SCFD2: variants seen among roughly 807,000 people sequenced by gnomAD.
The protein encoded by SCFD2 is sec1 family domain containing 2.
In SCFD2, 54 loss-of-function variants were observed where a neutral mutation model predicts 58.9. The observed-to-expected ratio is 0.92, with a 90% confidence interval of 0.74 to 1.15. The LOEUF is 1.15. SCFD2 is among the 50% of genes most tolerant of loss of function. The probability of loss-of-function intolerance (pLI) is 0.00; values close to 1 mark genes in which losing one functional copy is unlikely to be tolerated. For missense variants in SCFD2, 805 were observed against 836.6 expected (o/e 0.96, Z 0.47); for synonymous variants, 321 against 335.9 (o/e 0.96, Z 0.49).
chr4:52,893,611 T>C (rs1265340238), intron 7 of SCFD2, among the ~76,000 whole-genome samples: 2 of 152,170 alleles, frequency 1.3e-5, no homozygotes, highest in South Asian at 2.1e-4. Flanking sequence ...GCAGTTACAA[T>C]GTGACCCTGT....
chr4:53,343,461 A>T (rs1372747831), intron 2 of SCFD2, among the ~76,000 whole-genome samples: 2 of 152,192 alleles, frequency 1.3e-5, no homozygotes, highest in Non-Finnish European at 2.9e-5. Flanking sequence ...GCAATAATTA[A>T]TAGCCTACCC....
chr4:52,945,875 T>C (rs150051448), intron 5 of SCFD2: 82 of 152,334 alleles, frequency 5.4e-4, no homozygotes, highest in African/African-American at 2.0e-3. Flanking sequence ...CTTTCTCTTT[T>C]TTCAAGAAGG....
intron 5 of SCFD2, among the ~76,000 whole-genome samples, chr4:52,997,820 C>A (rs539216559): frequency 6.6e-6 from 1 of 152,112 alleles, no homozygotes; most frequent in African/African-American, 2.4e-5. Flanking sequence ...GTCTTCTATG[C>A]CTATATCCCT....
intron 5 of SCFD2, among the ~76,000 whole-genome samples, chr4:52,958,430 T>C (rs978807447): frequency 6.6e-6 from 1 of 152,022 alleles, no homozygotes; most frequent in African/African-American, 2.4e-5. Flanking sequence ...GAAGGGAGAG[T>C]GCCGGACAAG....
chr4:53,210,758 TAC>T (rs1371107278), intron 4 of SCFD2, among the ~76,000 whole-genome samples: 1 of 152,012 alleles, frequency 6.6e-6, no homozygotes, highest in Non-Finnish European at 1.5e-5. Context: ...CAGCCTTTGT[TAC>T]AGTCTTTTAT....
At chr4:53,307,453 T>C (rs574177121) in intron 3 of SCFD2, among the ~76,000 whole-genome samples, 2 of 152,278 alleles carry the variant, frequency 1.3e-5, no homozygotes, top group South Asian at 4.1e-4. Flanking sequence ...GGCCTGATAA[T>C]AGAAGTCAGA....
intron 5 of SCFD2, among the ~76,000 whole-genome samples, chr4:52,988,653 C>T (rs569220243): frequency 1.4e-4 from 22 of 152,268 alleles, no homozygotes; most frequent in African/African-American, 3.6e-4. Flanking sequence ...TTCTGAGGGA[C>T]GCCAAACCTC....
At chr4:53,259,862 T>G (rs1217594872) in intron 4 of SCFD2, among the ~76,000 whole-genome samples, 1 of 152,182 alleles carries the variant, frequency 6.6e-6, no homozygotes, top group African/African-American at 2.4e-5. Flanking sequence ...TGGGATGTCT[T>G]TCCATTTGTT....
intron 4 of SCFD2, among the ~76,000 whole-genome samples, chr4:53,154,278 G>T (rs1004069803): frequency 6.6e-6 from 1 of 152,188 alleles, no homozygotes; most frequent in Admixed American, 6.5e-5. Context: ...ACAAGCATCT[G>T]CTCAGCTTCT....
intron 4 of SCFD2, among the ~76,000 whole-genome samples, chr4:53,240,433 T>C (rs1729858582): frequency 6.6e-6 from 1 of 152,216 alleles, no homozygotes; most frequent in East Asian, 1.9e-4. Flanking sequence ...TCTGCCCCTT[T>C]TGTTTACAGA....
intron 3 of SCFD2, among the ~76,000 whole-genome samples, chr4:53,300,709 C>A (rs1172112815): frequency 6.6e-6 from 1 of 152,196 alleles, no homozygotes; most frequent in Non-Finnish European, 1.5e-5. Context: ...GTAAAGCACT[C>A]CTCAGGAAAC....
At chr4:53,236,469 T>A (rs1729614868) in intron 4 of SCFD2, among the ~76,000 whole-genome samples, 2 of 149,850 alleles carry the variant, frequency 1.3e-5, no homozygotes, top group African/African-American at 4.9e-5. Flanking sequence ...TATATATATA[T>A]CCCATTAGTT....
In SCFD2 at chr4:53,111,681, A is replaced by G. The variant is rs534930856; in HGVS notation, c.1561+33652T>C. 6.6e-5 allele frequency among the ~76,000 whole-genome samples: 10 copies of G among 152,250 alleles called. No homozygotes were observed. In the South Asian group the frequency reaches 1.7e-3, roughly 25 times the overall value. On this transcript the variant is annotated intron_variant, in intron 5 of 8. Transcript: ENST00000401642. Reference sequence around the variant, plus strand: ...CCCAAAGCCCACAGCAACATTGCTAATTTTACCATTTAACATTTTTCATAT... The same window carrying G: ...CCCAAAGCCCACAGCAACATTGCTAGTTTTACCATTTAACATTTTTCATAT...
At chr4:52,987,039 T>C (rs1445104602) in intron 5 of SCFD2, among the ~76,000 whole-genome samples, 1 of 152,106 alleles carries the variant, frequency 6.6e-6, no homozygotes, top group East Asian at 1.9e-4. Flanking sequence ...TTTTTTTTAT[T>C]ATTTTTTTGA....
chr4:53,349,200 C>G (rs867131406), intron 2 of SCFD2, among the ~76,000 whole-genome samples: 1 of 152,096 alleles, frequency 6.6e-6, no homozygotes, highest in Non-Finnish European at 1.5e-5. Context: ...CCAAGAAAAG[C>G]CTTAGGAGTC....
intron 2 of SCFD2, among the ~76,000 whole-genome samples, chr4:53,349,578 C>A (rs1734154471): frequency 6.6e-6 from 1 of 152,222 alleles, no homozygotes; most frequent in South Asian, 2.1e-4. Flanking sequence ...GACTTTCTCT[C>A]TTGTCACTTG....
intron 7 of SCFD2, among the ~76,000 whole-genome samples, chr4:52,898,227 T>C (rs1438637557): frequency 2.6e-5 from 4 of 152,332 alleles, no homozygotes; most frequent in East Asian, 3.9e-4. Flanking sequence ...CTTCTCTAGT[T>C]CTTTTAATTG....
intron 7 of SCFD2, among the ~76,000 whole-genome samples, chr4:52,900,920 G>A (rs903104847): frequency 3.1e-4 from 47 of 152,290 alleles, no homozygotes; most frequent in Middle Eastern, 3.4e-3. Flanking sequence ...GAGAGGCTCC[G>A]CGGGCGCAGG....
chr4:53,137,225 C>T (rs943422461), intron 5 of SCFD2, among the ~76,000 whole-genome samples: 2 of 152,204 alleles, frequency 1.3e-5, no homozygotes, highest in Admixed American at 6.5e-5. Flanking sequence ...GTGGGGCTTT[C>T]AAGAAAGCTG....
Sources: allele counts gnomAD v4.1 joint callset (sites outside exome capture counted in the v4.1 genomes callset), GRCh38; gene constraint gnomAD v4.1.1; transcripts MANE v1.5; gene names NCBI Gene and HGNC (gene_info 2026-07-23, HGNC 2026-07-21).